ZHX3: variants seen among roughly 807,000 people sequenced by gnomAD.
ZHX3 encodes zinc fingers and homeoboxes 3, also known as zinc fingers and homeoboxes protein 3.
ZHX3 carries 20 observed loss-of-function variants against 64.5 expected under a neutral mutation model. The ratio of observed to expected loss-of-function variants is 0.31; its 90% CI spans 0.22 to 0.45. The LOEUF (loss-of-function observed/expected upper bound fraction) is 0.45. ZHX3 is among the 20% of genes least tolerant of loss of function. The pLI is 1.00. For missense variants in ZHX3, 1,041 were observed against 1,195.8 expected (o/e 0.87, Z 1.91); for synonymous variants, 423 against 461.6 (o/e 0.92, Z 1.07).
chr20:41,254,846 A>G (rs966587114), intron 2 of ZHX3, among the ~76,000 whole-genome samples: 1 of 152,178 alleles, frequency 6.6e-6, no homozygotes, highest in Non-Finnish European at 1.5e-5. Flanking sequence ...GGAGTTGATA[A>G]CGCAGGAGAC....
chr20:41,195,529 C>A lies in ZHX3; in HGVS notation c.2860+6528G>T, dbSNP rs1034666786. Among the ~76,000 whole-genome samples, 7 of 152,192 alleles carry A rather than the reference C, an allele frequency of 4.6e-5. No homozygotes were observed. Among genetic ancestry groups the A allele is most frequent in the Non-Finnish European group, 1.5e-5 (1 of 68,040 alleles). ...CTCCTGGGTTCAAATTATTCTCCTG[C>A]CTCAGCCTCCCAAGTAGCTGGGATT... On this transcript the variant is annotated intron_variant, in intron 3 of 3. Transcript: ENST00000683867. This position sits in a 1 kb window ranked among gnomAD's most constrained non-coding sequence, Gnocchi z 4.2.
chr20:41,265,100 C>G (rs896225928), intron 2 of ZHX3, among the ~76,000 whole-genome samples: 1 of 151,436 alleles, frequency 6.6e-6, no homozygotes, highest in Admixed American at 6.6e-5. Flanking sequence ...GAAGGAGAGA[C>G]ACAAATACAA....
chr20:41,240,133 A>G (rs992672076), intron 2 of ZHX3, among the ~76,000 whole-genome samples: 25 of 152,166 alleles, frequency 1.6e-4, no homozygotes, highest in African/African-American at 6.0e-4. Context: ...AGTAGCTGGG[A>G]CTGCATGTGC....
intron 2 of ZHX3, among the ~76,000 whole-genome samples, chr20:41,241,500 C>T (rs1176561790): frequency 6.6e-6 from 1 of 152,128 alleles, no homozygotes; most frequent in Non-Finnish European, 1.5e-5. Context: ...TGTGCAGAAG[C>T]TTTTTAACTT....
intron 2 of ZHX3, among the ~76,000 whole-genome samples, chr20:41,217,823 T>C (rs2039636532): frequency 1.3e-5 from 2 of 152,218 alleles, no homozygotes; most frequent in South Asian, 4.1e-4. Flanking sequence ...ACACACGACA[T>C]ATTTTTGGCA....
At chr20:41,293,023 G>C (rs922129904) in intron 1 of ZHX3, among the ~76,000 whole-genome samples, 1 of 152,208 alleles carries the variant, frequency 6.6e-6, no homozygotes, top group South Asian at 2.1e-4. Flanking sequence ...AGTGAGATGG[G>C]AGACGCACGT....
intron 1 of ZHX3, among the ~76,000 whole-genome samples, chr20:41,305,829 G>A (rs981536469): frequency 7.2e-5 from 11 of 151,784 alleles, no homozygotes; most frequent in Admixed American, 5.3e-4. Flanking sequence ...CCCAACCAAC[G>A]ACCAAAAAGT....
chr20:41,307,091 G>A (rs559950516), intron 1 of ZHX3, among the ~76,000 whole-genome samples: 9 of 152,298 alleles, frequency 5.9e-5, no homozygotes, highest in African/African-American at 2.2e-4. Context: ...TAGCTTTGAG[G>A]TAGGCCAAGC....
chr20:41,251,727 T>C (rs1158621218), intron 2 of ZHX3, among the ~76,000 whole-genome samples: 1 of 152,148 alleles, frequency 6.6e-6, no homozygotes. Flanking sequence ...ATAGAATAGA[T>C]AGAATAGCAA....
intron 2 of ZHX3, among the ~76,000 whole-genome samples, chr20:41,213,253 T>C (rs2039292986): frequency 6.6e-6 from 1 of 152,064 alleles, no homozygotes; most frequent in African/African-American, 2.4e-5. Flanking sequence ...TGAAAATTGT[T>C]CTGAAATTAG....
chr20:41,260,469 C>T (rs2042506047), intron 2 of ZHX3, among the ~76,000 whole-genome samples: 3 of 152,120 alleles, frequency 2.0e-5, no homozygotes, highest in Admixed American at 6.5e-5. Flanking sequence ...ACTTGAACTC[C>T]AGATGTCACT....
intron 2 of ZHX3, among the ~76,000 whole-genome samples, chr20:41,268,362 ATTGT>A (rs5841406): frequency 0.44 from 66,624 of 151,696 alleles, 16,923 homozygotes; most frequent in East Asian, 0.81. Context: ...ATTTACAATG[ATTGT>A]TTGCTAGTGT....
intron 2 of ZHX3, among the ~76,000 whole-genome samples, chr20:41,257,612 C>CTTT (rs1223401714): frequency 2.9e-5 from 4 of 137,816 alleles, no homozygotes; most frequent in Admixed American, 7.3e-5. Flanking sequence ...TCTTTTCTTT[C>CTTT]TTTTTTTTTT....
chr20:41,250,157 A>AC (rs947976067), intron 2 of ZHX3, among the ~76,000 whole-genome samples: 3 of 152,008 alleles, frequency 2.0e-5, no homozygotes, highest in South Asian at 2.1e-4. Flanking sequence ...GAAACTCCTT[A>AC]CCCCCATCAG....
rs765592125 is a variant in ZHX3, at chr20:41,204,530, G to A, written c.387C>T (p.Ala129=). 1.2e-6 allele frequency: 2 copies of A among 1,614,176 alleles called. No homozygotes were observed. The highest frequency in any genetic ancestry group is 8.5e-7 in the Non-Finnish European group (1 of 1,180,042). ...AGCTGGCTTCCCCGGAGTGACATGTGGCATTGTGCAAGGAAAGCCCCTCAG... is the reference window on the plus strand; with the variant it reads ...AGCTGGCTTCCCCGGAGTGACATGTAGCATTGTGCAAGGAAAGCCCCTCAG... The part of the protein sequence containing the change: ...KTPEGLSLHN[A]TCHSGEASFV... The change falls in exon 3 of 4, where the codon GCC becomes GCT. Residue 129 remains alanine (A), a synonymous_variant. Transcript: ENST00000683867. This position sits in a 1 kb window ranked among gnomAD's most constrained non-coding sequence, Gnocchi z 6.6.
chr20:41,244,561 T>C (rs1056675859), intron 2 of ZHX3, among the ~76,000 whole-genome samples: 1 of 152,140 alleles, frequency 6.6e-6, no homozygotes, highest in Non-Finnish European at 1.5e-5. Context: ...TAAGATCCCA[T>C]GATGAGGGCC....
At chr20:41,248,849 C>G (rs1372663561) in intron 2 of ZHX3, among the ~76,000 whole-genome samples, 1 of 152,100 alleles carries the variant, frequency 6.6e-6, no homozygotes, top group African/African-American at 2.4e-5. Flanking sequence ...TGGGTTCTAA[C>G]AAAAAGATTT....
chr20:41,231,343 A>C (rs1375573409), intron 2 of ZHX3, among the ~76,000 whole-genome samples: 4 of 152,142 alleles, frequency 2.6e-5, no homozygotes, highest in Non-Finnish European at 5.9e-5. Flanking sequence ...CCAGTCACTC[A>C]AGTCCAAGCC....
At chr20:41,242,019 C>T (rs2041414535) in intron 2 of ZHX3, among the ~76,000 whole-genome samples, 1 of 151,836 alleles carries the variant, frequency 6.6e-6, no homozygotes, top group Admixed American at 6.6e-5. Context: ...GTGCACCTGT[C>T]ATTATTTCAA....
Sources: gnomAD v4.1 joint callset for allele counts (sites outside exome capture counted in the v4.1 genomes callset) on GRCh38, gnomAD v4.1.1 for gene constraint, Gnocchi (gnomAD v3.1) non-coding constraint, MANE v1.5 for transcripts, NCBI Gene and HGNC (gene_info 2026-07-23, HGNC 2026-07-21) for gene names.